Variants in MEIKIN observed in about 807,000 individuals in gnomAD.
MEIKIN encodes the protein meiosis-specific kinetochore protein.
intron 12 of MEIKIN, 22 bp from the exon 13 acceptor site, chr5:131,807,280 T>C (rs1772862390): frequency 2.5e-6 from 1 of 398,132 alleles, no homozygotes; most frequent in African/African-American, 2.1e-5. Flanking sequence ...AAAATAACAA[T>C]AGATTACTTT....
chr5:131,925,938 G>A (rs1751580224), intron 5 of MEIKIN, among the ~76,000 whole-genome samples: 1 of 152,060 alleles, frequency 6.6e-6, no homozygotes, highest in Non-Finnish European at 1.5e-5. Flanking sequence ...AAAGTGCTGG[G>A]GTACAGGTGT....
rs35117395 is a variant in MEIKIN, at chr5:131,860,754, C to CTTTTTT, written c.775-5926_775-5921dup. ...GAGCCACCATGCCCAGCCTGTTTGG[C>CTTTTTT]TTTTTTTTTTTTTTTTTTTTTTTTT... On this transcript the variant is annotated intron_variant, in intron 9 of 12. Coordinates refer to ENST00000442687, the MANE Select transcript of MEIKIN (RefSeq NM_001303622.2). 2.5e-4 allele frequency among the ~76,000 whole-genome samples: 13 copies of CTTTTTT among 51,012 alleles called. 2 individuals carry two copies. Among genetic ancestry groups the CTTTTTT allele is most frequent in the Non-Finnish European group, 2.9e-4 (9 of 31,214 alleles). 33.5% of individuals were successfully genotyped at this position (51,012 alleles called of 152,430 possible). A position where few individuals can be genotyped will look rare whatever the true frequency, so the allele number is the denominator to read the frequency against.
At chr5:131,896,149 T>C (rs1751046609) in intron 8 of MEIKIN, among the ~76,000 whole-genome samples, 1 of 152,212 alleles carries the variant, frequency 6.6e-6, no homozygotes, top group Non-Finnish European at 1.5e-5. Context: ...ATTTACCCAG[T>C]AGTCATTCAG....
At chr5:131,941,682 A>G (rs556237072) in intron 4 of MEIKIN, among the ~76,000 whole-genome samples, 78 of 152,206 alleles carry the variant, frequency 5.1e-4, no homozygotes, top group Middle Eastern at 3.4e-3. Flanking sequence ...ACAAATTTCT[A>G]TCTCCAGCCT....
At chr5:131,833,285 T>C (rs1580864024) in intron 11 of MEIKIN, among the ~76,000 whole-genome samples, 1 of 152,142 alleles carries the variant, frequency 6.6e-6, no homozygotes, top group African/African-American at 2.4e-5. Flanking sequence ...CCTTGCTAAT[T>C]TGCTAAAACA....
At chr5:131,886,257 A>G (rs1580890280) in intron 8 of MEIKIN, among the ~76,000 whole-genome samples, 1 of 152,190 alleles carries the variant, frequency 6.6e-6, no homozygotes, top group Admixed American at 6.5e-5. Context: ...ATTCAAAGGG[A>G]TAACAACATG....
At chr5:131,901,681 T>C (rs531295909) in intron 8 of MEIKIN, among the ~76,000 whole-genome samples, 75 of 152,292 alleles carry the variant, frequency 4.9e-4, no homozygotes, top group African/African-American at 1.8e-3. Flanking sequence ...GCCAGGGGCC[T>C]GATACCAGCC....
At chr5:131,862,888 G>A (rs985505555) in intron 9 of MEIKIN, among the ~76,000 whole-genome samples, 5 of 152,144 alleles carry the variant, frequency 3.3e-5, no homozygotes, top group South Asian at 4.2e-4. Flanking sequence ...AGGAGACAAC[G>A]GGGTTTCAAT....
intron 8 of MEIKIN, among the ~76,000 whole-genome samples, chr5:131,897,985 C>T (rs937168955): frequency 3.3e-5 from 5 of 152,136 alleles, no homozygotes; most frequent in Admixed American, 6.6e-5. Flanking sequence ...AAGAGGTGCT[C>T]TGGTTTTTAG....
intron 5 of MEIKIN, among the ~76,000 whole-genome samples, chr5:131,925,906 G>C (rs1042668802): frequency 6.6e-6 from 1 of 152,114 alleles, no homozygotes; most frequent in Non-Finnish European, 1.5e-5. Flanking sequence ...GATCTCATGT[G>C]ATCTGCCCGC....
chr5:131,889,860 G>A (rs1230537617), intron 8 of MEIKIN, among the ~76,000 whole-genome samples: 1 of 152,142 alleles, frequency 6.6e-6, no homozygotes, highest in Non-Finnish European at 1.5e-5. Context: ...GTCATAGATA[G>A]CTTTTATTAT....
rs866016519 is a variant in MEIKIN, at chr5:131,920,194, G to A, written c.598+1628C>T. On this transcript the variant is annotated intron_variant, in intron 6 of 12. Coordinates refer to ENST00000442687, the MANE Select transcript of MEIKIN (RefSeq NM_001303622.2). ...ACTAGAAATAAATAAATAAATGAAC[G>A]AATGATGAAAATATTGGATTTCAAA... Among the ~76,000 whole-genome samples the A allele has an allele frequency of 9.2e-5, 14 of 152,240 alleles. No homozygotes were observed. In the South Asian group the frequency reaches 1.7e-3, roughly 18 times the overall value.
chr5:131,935,934 C>T (rs1297107884), intron 4 of MEIKIN, among the ~76,000 whole-genome samples: 2 of 152,168 alleles, frequency 1.3e-5, no homozygotes, highest in East Asian at 3.9e-4. Flanking sequence ...TTTCTCTTCT[C>T]CAACTGCCCT....
At position 131,810,444 on chromosome 5, in the gene MEIKIN, C is replaced by G. The variant is rs116024143; in HGVS notation, c.1100-3186G>C. Among the ~76,000 whole-genome samples the G allele has an allele frequency of 6.6e-3, 1,003 of 152,330 alleles. 6 individuals are homozygous for G. Among genetic ancestry groups the G allele is most frequent in the Non-Finnish European group, 0.011 (734 of 68,032 alleles). On this transcript the variant is annotated intron_variant, in intron 12 of 12. Transcript: ENST00000442687. Reference sequence around the variant, plus strand: ...GTTAAAAGTGTCCTCTCTTGGGTTCCTACAGTGTCTTGTTCTAGTTCTGAT... The same window carrying G: ...GTTAAAAGTGTCCTCTCTTGGGTTCGTACAGTGTCTTGTTCTAGTTCTGAT...
chr5:131,925,718 G>C (rs1435209534), intron 5 of MEIKIN, among the ~76,000 whole-genome samples: 1 of 151,944 alleles, frequency 6.6e-6, no homozygotes, highest in Middle Eastern at 3.2e-3. Context: ...ACTCAGGCTG[G>C]AGTGCAGTGG....
At chr5:131,928,657 C>T (rs780429479) in intron 5 of MEIKIN, among the ~76,000 whole-genome samples, 1 of 152,012 alleles carries the variant, frequency 6.6e-6, no homozygotes. Flanking sequence ...TGATTTAATT[C>T]TGGTATACTA....
intron 4 of MEIKIN, among the ~76,000 whole-genome samples, chr5:131,934,270 G>C (rs1019547930): frequency 1.9e-4 from 29 of 151,964 alleles, no homozygotes; most frequent in African/African-American, 6.5e-4. Flanking sequence ...CAAAATTTAA[G>C]TTTTATATAT....
intron 8 of MEIKIN, among the ~76,000 whole-genome samples, chr5:131,910,408 T>C (rs1427195438): frequency 6.6e-6 from 1 of 152,010 alleles, no homozygotes; most frequent in East Asian, 1.9e-4. Flanking sequence ...AGAAGGATGG[T>C]TACCAGAGGC....
intron 11 of MEIKIN, among the ~76,000 whole-genome samples, chr5:131,822,291 G>C (rs927392399): frequency 2.0e-5 from 3 of 151,830 alleles, no homozygotes; most frequent in Non-Finnish European, 4.4e-5. Flanking sequence ...TACATTCAAT[G>C]TTGTTATTGA....
Sources: gnomAD v4.1 joint callset for allele counts (sites outside exome capture counted in the v4.1 genomes callset) on GRCh38, gnomAD v4.1.1 for gene constraint, MANE v1.5 for transcripts, NCBI Gene and HGNC (gene_info 2026-07-23, HGNC 2026-07-21) for gene names.